APC: variants seen among roughly 807,000 people sequenced by gnomAD.
APC encodes the protein APC regulator of Wnt signaling pathway, also known as adenomatous polyposis coli protein.
Under a neutral mutation model 247.0 loss-of-function variants are expected in APC, and 72 were observed. That is an observed-to-expected ratio of 0.29 (90% CI 0.24 to 0.35). The LOEUF is 0.35. Among genes scored for constraint, APC ranks in the 10% least tolerant of loss-of-function variants. APC has a pLI of 1.00. For missense variants in APC, 3,400 were observed against 3,360.7 expected (o/e 1.01, Z -0.29); for synonymous variants, 1,254 against 1,162.5 (o/e 1.08, Z -1.60).
intron 6 of APC, among the ~76,000 whole-genome samples, chr5:112,788,900 C>T (rs1019274941): frequency 6.6e-6 from 1 of 152,108 alleles, no homozygotes; most frequent in African/African-American, 2.4e-5. Context: ...CCAGTCCTTA[C>T]AGCGTTTTTT....
chr5:112,803,165 G>A (rs975516613), intron 8 of APC, among the ~76,000 whole-genome samples: 2 of 152,044 alleles, frequency 1.3e-5, no homozygotes, highest in African/African-American at 4.8e-5. Context: ...CTCATATGTT[G>A]CTTTTAATTG....
chr5:112,715,676 A>G (rs991233183), intron 1 of APC, among the ~76,000 whole-genome samples: 4 of 152,166 alleles, frequency 2.6e-5, no homozygotes, highest in African/African-American at 9.7e-5. Context: ...TTATTTGTAC[A>G]TATTTATGGG....
chr5:112,725,204 C>T lies in APC; in HGVS notation c.165+17322C>T, dbSNP rs983249437. The stretch of plus-strand genomic sequence containing the variant: ...GCCAGGCTGTTCTCAAACTACTGAC[C>T]TCAGGTGGTCCACCTGCCTTGGTCC... On this transcript the variant is annotated intron_variant, in intron 1 of 13. Transcript: ENST00000507379. Among the ~76,000 whole-genome samples the T allele has an allele frequency of 4.6e-5, 7 of 152,224 alleles. No homozygotes were observed. In the East Asian group the frequency reaches 1.2e-3, roughly 25 times the overall value.
chr5:112,840,076 A>G lies in APC; in HGVS notation c.4482A>G (p.Glu1494=), dbSNP rs1554085914. Residue 1494 remains glutamate (E), a synonymous_variant, in exon 16 of 16, where the codon GAA becomes GAG. Coordinates refer to ENST00000257430, the MANE Select transcript of APC (RefSeq NM_000038.6). The surrounding 1 kb of genome is among the most constrained non-coding windows in gnomAD (Gnocchi z 4.1). ...ATACTTTATTACATTTTGCCACGGAAAGTACTCCAGATGGATTTTCTTGTT... is the reference window on the plus strand; with the variant it reads ...ATACTTTATTACATTTTGCCACGGAGAGTACTCCAGATGGATTTTCTTGTT... The part of the protein sequence containing the change: ...DADTLLHFAT[E]STPDGFSCSS... 6.2e-7 allele frequency: 1 copy of G among 1,614,122 alleles called. No individual in the cohort carries two copies. Among genetic ancestry groups the G allele is most frequent in the Non-Finnish European group, 8.5e-7 (1 of 1,180,004 alleles).
intron 4 of APC, among the ~76,000 whole-genome samples, chr5:112,773,122 CCAAT>C: frequency 6.6e-6 from 1 of 152,172 alleles, no homozygotes; most frequent in East Asian, 1.9e-4. Flanking sequence ...TCCTTTCTTC[CCAAT>C]CAGTCCATCA....
intron 2 of APC, among the ~76,000 whole-genome samples, chr5:112,760,236 G>A (rs1023043668): frequency 3.3e-5 from 5 of 152,142 alleles, no homozygotes; most frequent in Admixed American, 3.3e-4. Flanking sequence ...TGGCAGCCTT[G>A]ACAAACATGA....
At chr5:112,783,027 A>G (rs902974924) in intron 6 of APC, among the ~76,000 whole-genome samples, 4 of 152,176 alleles carry the variant, frequency 2.6e-5, no homozygotes, top group African/African-American at 9.6e-5. Context: ...ATGAATTTGC[A>G]TTTTTAGAAC....
intron 10 of APC, 75 bp from the exon 11 acceptor site, chr5:112,821,821 A>G (rs1479671291): frequency 3.3e-6 from 4 of 1,205,980 alleles, no homozygotes; most frequent in Admixed American, 3.5e-5. Flanking sequence ...ATCCCTGCAT[A>G]TTTTTAAAGT....
At chr5:112,815,644 A>G in intron 9 of APC, 51 bp downstream of exon 9, 1 of 1,477,642 alleles carries the variant, frequency 6.8e-7, no homozygotes, top group South Asian at 1.1e-5. Flanking sequence ...TACTTTGCTA[A>G]GACATTCTTG....
intron 8 of APC, 142 bp from the exon 9 acceptor site, chr5:112,815,353 T>C: frequency 5.1e-6 from 3 of 591,946 alleles, no homozygotes. Flanking sequence ...AAAAAATATT[T>C]TGAACAGTTA....
At chr5:112,811,113 G>A (rs992447369) in intron 8 of APC, among the ~76,000 whole-genome samples, 1 of 152,170 alleles carries the variant, frequency 6.6e-6, no homozygotes, top group Non-Finnish European at 1.5e-5. Context: ...TGTTGAGGAT[G>A]TATGGATATT....
intron 2 of APC, among the ~76,000 whole-genome samples, chr5:112,761,967 T>C (rs1755722010): frequency 6.6e-6 from 1 of 152,166 alleles, no homozygotes; most frequent in African/African-American, 2.4e-5. Flanking sequence ...GGAGAAAATA[T>C]TTGCAATACA....
chr5:112,779,557 G>A (rs1463431151), intron 5 of APC, among the ~76,000 whole-genome samples: 4 of 152,088 alleles, frequency 2.6e-5, no homozygotes, highest in Non-Finnish European at 4.4e-5. Context: ...TTGCATTTAT[G>A]TTGGGAAGCC....
intron 1 of APC, among the ~76,000 whole-genome samples, chr5:112,715,735 G>A (rs899773114): frequency 1.5e-4 from 23 of 152,038 alleles, no homozygotes; most frequent in Non-Finnish European, 7.4e-5. Context: ...TGATCAAGTC[G>A]GGGTATTTAG....
intron 15 of APC, among the ~76,000 whole-genome samples, 199 bp downstream of exon 15, chr5:112,835,364 CTAAAT>C (rs1486245288): frequency 2.0e-5 from 3 of 151,934 alleles, no homozygotes; most frequent in Admixed American, 6.6e-5. Context: ...ATAGAGGAGA[CTAAAT>C]TAAGCAAATT....
chr5:112,837,826 T>G lies in APC; in HGVS notation c.2232T>G (p.Ser744=), dbSNP rs145751759. ...AGTACAAGGATGCCAATATTATGTCTCCTGGCTCAAGCTTGCCATCTCTTC... is the reference window on the plus strand; with the variant it reads ...AGTACAAGGATGCCAATATTATGTCGCCTGGCTCAAGCTTGCCATCTCTTC... ...PAKYKDANIM[S]PGSSLPSLHV... is the part of the protein sequence containing the mutation. Residue 744 remains serine, a synonymous_variant, in exon 16 of 16, where the codon TCT becomes TCG. Coordinates refer to ENST00000257430, the MANE Select transcript of APC (RefSeq NM_000038.6). 94 of 1,614,010 alleles carry G rather than the reference T, an allele frequency of 5.8e-5. No homozygotes were observed. In the African/African-American group the frequency reaches 1.2e-3, roughly 20 times the overall value.
Position 112,707,804 on chromosome 5 carries a change from C to T in APC, c.87C>T (p.Gly29=), listed in dbSNP as rs1750610368. 4 of 1,370,630 alleles carry T rather than the reference C, an allele frequency of 2.9e-6. No individual in the cohort carries two copies. The highest frequency in any genetic ancestry group is 1.9e-4 in the Middle Eastern group (1 of 5,182). The allele number at this position is 1,370,630 out of a possible 1,614,324, so 84.9% of individuals were successfully genotyped here. A position where few individuals can be genotyped will look rare whatever the true frequency, so the allele number is the denominator to read the frequency against. Residue 29 remains glycine (G), a synonymous_variant, in exon 1 of 14, where the codon GGC becomes GGT. Transcript: ENST00000507379. ...TTCTCGGGTCCTGGAGCACCGGCGG[C>T]AGCAGGAGCTGCGTCCGGCAGGAGA... is the stretch of plus-strand genomic sequence containing the variant.
chr5:112,763,489 G>A (rs1420970541), intron 2 of APC, among the ~76,000 whole-genome samples: 2 of 151,684 alleles, frequency 1.3e-5, no homozygotes, highest in African/African-American at 4.8e-5. Flanking sequence ...TTGGACATCT[G>A]AATTTATATG....
intron 1 of APC, among the ~76,000 whole-genome samples, chr5:112,741,316 G>A (rs1414351996): frequency 6.6e-6 from 1 of 152,096 alleles, no homozygotes; most frequent in Non-Finnish European, 1.5e-5. Context: ...TTGAAACACT[G>A]CTTTTTCATA....
Sources: gnomAD v4.1 joint callset for allele counts (sites outside exome capture counted in the v4.1 genomes callset) on GRCh38, gnomAD v4.1.1 for gene constraint, Gnocchi (gnomAD v3.1) non-coding constraint, MANE v1.5 for transcripts, NCBI Gene and HGNC (gene_info 2026-07-23, HGNC 2026-07-21) for gene names.